Variants in ALX4 observed in about 807,000 individuals in gnomAD.
The protein encoded by ALX4 is homeobox protein aristaless-like 4.
In ALX4, 22 loss-of-function variants were observed where a neutral mutation model predicts 40.6. The observed-to-expected ratio is 0.54, with a 90% CI of 0.39 to 0.77. The LOEUF (loss-of-function observed/expected upper bound fraction) is 0.77. Among genes scored for constraint, ALX4 ranks in the 30% least tolerant of loss-of-function variants. The probability of loss-of-function intolerance (pLI) is 0.00; values close to 1 mark genes in which losing one functional copy is unlikely to be tolerated. For missense variants in ALX4, 556 were observed against 564.8 expected, an observed-to-expected ratio of 0.98 and a Z score of 0.16; for synonymous variants, 266 against 240.5, an observed-to-expected ratio of 1.11 and a Z score of -0.98.
intron 1 of ALX4, 27 bp downstream of exon 1, chr11:44,309,570 C>A: frequency 6.4e-7 from 1 of 1,558,352 alleles, no homozygotes; most frequent in Non-Finnish European, 8.6e-7. Flanking sequence ...TGGTCCCCAG[C>A]ACCAGGTGAC....
At chr11:44,266,498 G>C (rs1172593578) in intron 3 of ALX4, among the ~76,000 whole-genome samples, 1 of 152,232 alleles carries the variant, frequency 6.6e-6, no homozygotes, top group Non-Finnish European at 1.5e-5. Flanking sequence ...CCTGGGCTGG[G>C]GGAGAGGGAA....
chr11:44,275,610 G>A lies in ALX4; in HGVS notation c.515C>T (p.Thr172Ile). Residue 172 changes from threonine to isoleucine, a missense_variant, in exon 2 of 4, where the codon ACT becomes ATT. By Grantham distance (89) the Thr-to-Ile change is moderately conservative. Coordinates refer to ENST00000652299, the MANE Select transcript of ALX4 (RefSeq NM_021926.4). ...CAGGTAGCTGCTGTCCATCCCCACA[G>A]TGTCAGAGTCAGGGGGTAACTCTGG... ...GEPELPPDSDTVGMDSSYLSV... is the reference protein window; with the variant it reads ...GEPELPPDSDIVGMDSSYLSV... 1 of 1,613,874 alleles carries A rather than the reference G, an allele frequency of 6.2e-7. No homozygotes were observed. The highest frequency in any genetic ancestry group is 1.3e-5 in the African/African-American group (1 of 75,048).
intron 1 of ALX4, among the ~76,000 whole-genome samples, chr11:44,291,824 G>A (rs973686111): frequency 2.0e-5 from 3 of 152,046 alleles, no homozygotes; most frequent in Admixed American, 6.6e-5. Flanking sequence ...TTTTATTTAT[G>A]TATTTATTTA....
intron 1 of ALX4, among the ~76,000 whole-genome samples, chr11:44,290,633 C>T (rs1397510136): frequency 1.3e-5 from 2 of 152,170 alleles, no homozygotes; most frequent in African/African-American, 4.8e-5. Context: ...GTTTAGCTAA[C>T]GCTTCACATA....
intron 1 of ALX4, among the ~76,000 whole-genome samples, chr11:44,282,106 C>T (rs958684089): frequency 3.3e-5 from 5 of 152,306 alleles, no homozygotes; most frequent in African/African-American, 9.6e-5. Context: ...AATGCTGGAA[C>T]AGTAAAAGGA....
chr11:44,277,882 G>A (rs778041775), intron 1 of ALX4, among the ~76,000 whole-genome samples: 4 of 152,236 alleles, frequency 2.6e-5, no homozygotes, highest in Non-Finnish European at 5.9e-5. Context: ...ACACCTGTGT[G>A]AGCCCAGGCA....
At position 44,275,591 on chromosome 11, in the gene ALX4, G is replaced by C. The variant is rs763754428; in HGVS notation, c.534C>G (p.Ser178Arg). Residue 178 changes from serine to arginine, a missense_variant, in exon 2 of 4, where the codon AGC becomes AGG. Ser to Arg is a moderately radical substitution (Grantham distance 110). Coordinates refer to ENST00000652299, the MANE Select transcript of ALX4 (RefSeq NM_021926.4). ...PDSDTVGMDS[S>R]YLSVKEAGVK... The stretch of plus-strand genomic sequence containing the variant: ...CCCCAGCCTCCTTGACACTCAGGTA[G>C]CTGCTGTCCATCCCCACAGTGTCAG... The C allele has an allele frequency of 2.5e-6, 4 of 1,613,934 alleles. No individual in the cohort carries two copies. The highest frequency in any genetic ancestry group is 3.4e-6 in the Non-Finnish European group (4 of 1,179,962).
intron 2 of ALX4, among the ~76,000 whole-genome samples, chr11:44,270,500 C>A (rs1956239567): frequency 6.6e-6 from 1 of 152,078 alleles, no homozygotes; most frequent in Admixed American, 6.5e-5. Context: ...CCTCAATATC[C>A]TCCCCAGTAA....
Position 44,309,749 on chromosome 11 carries a change from G to T in ALX4, c.314C>A (p.Pro105Gln), listed in dbSNP as rs750648485. Reference protein sequence around the residue: ...STPQPQPPPQPQPQQQQPQPQ... With the variant: ...STPQPQPPPQQQPQQQQPQPQ... ...CTGCGGCTGCTGCTGCTGCGGCTGCGGCTGCGGCGGCGGCTGGGGCTGCGG... is the reference window on the plus strand; with the variant it reads ...CTGCGGCTGCTGCTGCTGCGGCTGCTGCTGCGGCGGCGGCTGGGGCTGCGG... Residue 105 changes from proline to glutamine, a missense_variant, in exon 1 of 4, where the codon CCG (proline) becomes CAG (glutamine). Transcript: ENST00000652299. The T allele has an allele frequency of 6.5e-7, 1 of 1,535,518 alleles. No homozygotes were observed.
chr11:44,276,102 G>A (rs983112832), intron 1 of ALX4, among the ~76,000 whole-genome samples: 1 of 152,146 alleles, frequency 6.6e-6, no homozygotes, highest in Non-Finnish European at 1.5e-5. Context: ...GGCCCAGTGG[G>A]GCTTGGGGTG....
chr11:44,299,691 C>T (rs1048267352), intron 1 of ALX4, among the ~76,000 whole-genome samples: 1 of 152,138 alleles, frequency 6.6e-6, no homozygotes, highest in Non-Finnish European at 1.5e-5. Flanking sequence ...CCCTGTCTTT[C>T]ATCTCCACAT....
intron 1 of ALX4, among the ~76,000 whole-genome samples, chr11:44,276,302 G>T (rs1956277561): frequency 6.6e-6 from 1 of 152,202 alleles, no homozygotes; most frequent in South Asian, 2.1e-4. Flanking sequence ...TTTCTTCCTT[G>T]GGGGTGCATG....
At chr11:44,291,665 C>T (rs1173727182) in intron 1 of ALX4, among the ~76,000 whole-genome samples, 2 of 152,110 alleles carry the variant, frequency 1.3e-5, no homozygotes, top group Admixed American at 6.5e-5. Context: ...CTCAGCCTCC[C>T]GAAGTGCTAG....
intron 1 of ALX4, among the ~76,000 whole-genome samples, chr11:44,294,559 T>TGCCCCCGCTGCGTTAGGTAGAGATGGCA (rs1191201830): frequency 1.3e-5 from 2 of 152,208 alleles, no homozygotes; most frequent in Admixed American, 6.5e-5. Context: ...CCTTGAAGCC[T>TGCCCCCGCTGCGTTAGGTAGAGATGGCA]GCCCCCGCTG....
intron 1 of ALX4, among the ~76,000 whole-genome samples, chr11:44,295,778 G>T (rs180896866): frequency 2.0e-5 from 3 of 152,228 alleles, no homozygotes; most frequent in Admixed American, 6.5e-5. Context: ...CCAGATGTGC[G>T]CATCTCAGGA....
chr11:44,275,284 G>T, intron 2 of ALX4, 64 bp downstream of exon 2: 2 of 1,572,074 alleles, frequency 1.3e-6, no homozygotes, highest in Non-Finnish European at 8.7e-7. Context: ...GACCCCAACT[G>T]CAGCCAAGAG....
intron 1 of ALX4, among the ~76,000 whole-genome samples, chr11:44,304,492 G>T (rs1004211055): frequency 6.6e-6 from 1 of 151,892 alleles, no homozygotes; most frequent in Non-Finnish European, 1.5e-5. Context: ...AAGGCAGGGC[G>T]CGCCCCCCCC....
chr11:44,281,394 G>A lies in ALX4; in HGVS notation c.467-5736C>T, dbSNP rs1042266489. Among the ~76,000 whole-genome samples, 10 of 151,862 alleles carry A rather than the reference G, an allele frequency of 6.6e-5. No individual in the cohort carries two copies. The South Asian group carries it at 1.7e-3, about 25-fold the overall frequency. The stretch of plus-strand genomic sequence containing the variant: ...ATCCGCGTGGGTGGGTGTGGACATG[G>A]GTGGTGTGGGCCTGTGTGGAGCCGT... On this transcript the variant is annotated intron_variant, in intron 1 of 3. Transcript: ENST00000652299.
At chr11:44,305,246 A>G (rs1373963144) in intron 1 of ALX4, among the ~76,000 whole-genome samples, 3 of 152,238 alleles carry the variant, frequency 2.0e-5, no homozygotes, top group Admixed American at 6.5e-5. Flanking sequence ...TAATAAAGAA[A>G]AGATTGTGCA....
Sources: allele counts gnomAD v4.1 joint callset (sites outside exome capture counted in the v4.1 genomes callset), GRCh38; gene constraint gnomAD v4.1.1; transcripts MANE v1.5; gene names NCBI Gene and HGNC (gene_info 2026-07-23, HGNC 2026-07-21).